TMEM132D: variants seen among roughly 807,000 people sequenced by gnomAD.
The protein encoded by TMEM132D is mature OL transmembrane protein.
TMEM132D carries 21 observed loss-of-function variants against 62.3 expected under a neutral mutation model. The observed-to-expected ratio is 0.34, with a 90% CI of 0.24 to 0.49. The LOEUF (loss-of-function observed/expected upper bound fraction) is 0.49. TMEM132D is among the 20% of genes least tolerant of loss of function. The pLI is 0.99. For synonymous variants in TMEM132D, 621 were observed against 575.6 expected (o/e 1.08, Z -1.13); for missense variants, 1,346 against 1,402.8 (o/e 0.96, Z 0.65).
intron 4 of TMEM132D, among the ~76,000 whole-genome samples, chr12:129,269,777 G>A (rs967959904): frequency 6.6e-6 from 1 of 152,064 alleles, no homozygotes; most frequent in Non-Finnish European, 1.5e-5. Flanking sequence ...CTCGTTATTC[G>A]GTCGCAGTTG....
At chr12:129,353,907 C>T (rs536543807) in intron 3 of TMEM132D, among the ~76,000 whole-genome samples, 1 of 152,144 alleles carries the variant, frequency 6.6e-6, no homozygotes, top group South Asian at 2.1e-4. Context: ...CTAATCTTCT[C>T]GCACGGAGCC....
intron 1 of TMEM132D, among the ~76,000 whole-genome samples, chr12:129,894,609 G>A (rs1034159909): frequency 6.6e-6 from 1 of 152,196 alleles, no homozygotes; most frequent in Non-Finnish European, 1.5e-5. Context: ...AAAGCATGAG[G>A]ATATTCCACA....
intron 1 of TMEM132D, among the ~76,000 whole-genome samples, chr12:129,712,884 G>A (rs1868428767): frequency 6.6e-6 from 1 of 152,152 alleles, no homozygotes; most frequent in African/African-American, 2.4e-5. Flanking sequence ...GGAGGCTTAT[G>A]TTGAGAAAAG....
At chr12:129,584,894 C>G in intron 2 of TMEM132D, among the ~76,000 whole-genome samples, 1 of 152,136 alleles carries the variant, frequency 6.6e-6, no homozygotes. Context: ...TCTCATGTGG[C>G]AACAGGAGAG....
chr12:129,469,033 T>C (rs927253499), intron 3 of TMEM132D, among the ~76,000 whole-genome samples: 6 of 152,094 alleles, frequency 3.9e-5, no homozygotes, highest in African/African-American at 1.4e-4. Flanking sequence ...ACCTAAGACA[T>C]TAAAGCAACA....
intron 3 of TMEM132D, among the ~76,000 whole-genome samples, chr12:129,394,146 T>C (rs1443119974): frequency 6.6e-6 from 1 of 152,216 alleles, no homozygotes; most frequent in African/African-American, 2.4e-5. Flanking sequence ...TGCTGTGCCA[T>C]TGATCAAACT....
At chr12:129,760,231 G>A (rs1241787835) in intron 1 of TMEM132D, among the ~76,000 whole-genome samples, 2 of 151,446 alleles carry the variant, frequency 1.3e-5, no homozygotes, top group African/African-American at 4.9e-5. Flanking sequence ...GAACACACGG[G>A]AAGTCTGCCT....
At chr12:129,096,924 T>C (rs1257364484) in intron 5 of TMEM132D, among the ~76,000 whole-genome samples, 1 of 146,264 alleles carries the variant, frequency 6.8e-6, no homozygotes, top group African/African-American at 2.6e-5. Context: ...ATGCATTCGG[T>C]GAATGTTCTC....
At chr12:129,128,187 A>G (rs143770549) in intron 5 of TMEM132D, among the ~76,000 whole-genome samples, 1 of 152,328 alleles carries the variant, frequency 6.6e-6, no homozygotes, top group African/African-American at 2.4e-5. Context: ...GTGAATGGTC[A>G]CTGCCCATTT....
chr12:129,388,978 C>T (rs1425091368), intron 3 of TMEM132D, among the ~76,000 whole-genome samples: 12 of 133,238 alleles, frequency 9.0e-5, no homozygotes, highest in Non-Finnish European at 1.6e-4. Flanking sequence ...AACACTCATC[C>T]TAATATAAAC....
rs772537163 is a variant in TMEM132D at position 129,074,527 on chromosome 12, C to T, written c.2648G>A (p.Ser883Asn). ...DDNSHLQTIP[S>N]DLTSFPAQVD... ...CTGGGCTGGGAAGCTGGTGAGGTCGCTGGGGATGGTCTGCAAGTGGCTGTT... is the reference window on the plus strand; with the variant it reads ...CTGGGCTGGGAAGCTGGTGAGGTCGTTGGGGATGGTCTGCAAGTGGCTGTT... The change falls in exon 9 of 9, where the codon AGC becomes AAC. Residue 883 changes from serine (S) to asparagine (N), a missense_variant. Ser to Asn is a conservative substitution (Grantham distance 46). Transcript: ENST00000422113. The T allele has an allele frequency of 6.2e-7, 1 of 1,614,086 alleles. No homozygotes were observed. Among genetic ancestry groups the T allele is most frequent in the Non-Finnish European group, 8.5e-7 (1 of 1,180,026 alleles).
intron 4 of TMEM132D, among the ~76,000 whole-genome samples, chr12:129,326,610 G>A (rs1166158848): frequency 1.3e-5 from 2 of 152,184 alleles, no homozygotes; most frequent in Non-Finnish European, 2.9e-5. Flanking sequence ...GGGTGGAATC[G>A]TTGCACAGAG....
At chr12:129,884,860 T>C (rs2137388765) in intron 1 of TMEM132D, among the ~76,000 whole-genome samples, 1 of 152,306 alleles carries the variant, frequency 6.6e-6, no homozygotes, top group South Asian at 2.1e-4. Flanking sequence ...TAACAACCAA[T>C]ACTAACCACT....
At chr12:129,340,524 T>C (rs1366539786) in intron 3 of TMEM132D, among the ~76,000 whole-genome samples, 1 of 151,860 alleles carries the variant, frequency 6.6e-6, no homozygotes, top group African/African-American at 2.4e-5. Flanking sequence ...GTTCTCATTG[T>C]TCAATTCCCA....
At chr12:129,876,996 G>A (rs561493499) in intron 1 of TMEM132D, among the ~76,000 whole-genome samples, 16 of 152,238 alleles carry the variant, frequency 1.1e-4, no homozygotes, top group East Asian at 3.9e-4. Flanking sequence ...TGTTATGAGC[G>A]TGGGAATAGA....
chr12:129,143,736 G>T (rs550526894), intron 5 of TMEM132D, among the ~76,000 whole-genome samples: 2 of 152,324 alleles, frequency 1.3e-5, no homozygotes, highest in South Asian at 4.1e-4. Flanking sequence ...TGCAGAAAAA[G>T]AGAAAGGAAT....
chr12:129,551,453 C>T (rs989053275), intron 2 of TMEM132D, among the ~76,000 whole-genome samples: 3 of 152,158 alleles, frequency 2.0e-5, no homozygotes, highest in African/African-American at 7.2e-5. Context: ...ATGTGTCCTA[C>T]AAATATTGTC....
chr12:129,300,310 A>G (rs1163103289), intron 4 of TMEM132D, among the ~76,000 whole-genome samples: 2 of 152,246 alleles, frequency 1.3e-5, no homozygotes, highest in African/African-American at 4.8e-5. Flanking sequence ...GAGGGTTCTG[A>G]GAGCCATACA....
intron 4 of TMEM132D, among the ~76,000 whole-genome samples, chr12:129,314,346 T>C (rs551497426): frequency 6.6e-6 from 1 of 152,364 alleles, no homozygotes; most frequent in African/African-American, 2.4e-5. Context: ...TAGCCAATTA[T>C]CTCAGCACTA....
Sources: allele counts gnomAD v4.1 joint callset (sites outside exome capture counted in the v4.1 genomes callset), GRCh38; gene constraint gnomAD v4.1.1; transcripts MANE v1.5; gene names NCBI Gene and HGNC (gene_info 2026-07-23, HGNC 2026-07-21).